Variants in ANO10 observed in about 807,000 individuals in gnomAD.
ANO10 encodes the protein anoctamin-10.
A neutral mutation model predicts 74.7 loss-of-function variants in ANO10; 77 were observed. That is an observed-to-expected ratio of 1.03 (90% CI 0.86 to 1.25). ANO10 has a LOEUF of 1.25. ANO10 is among the 50% of genes most tolerant of loss of function. The pLI is 0.00. For missense variants in ANO10, 721 were observed against 778.1 expected, an observed-to-expected ratio of 0.93 and a Z score of 0.87; for synonymous variants, 279 against 284.9, an observed-to-expected ratio of 0.98 and a Z score of 0.21.
chr3:43,381,011 A>G (rs886985830), intron 12 of ANO10, among the ~76,000 whole-genome samples: 6 of 152,176 alleles, frequency 3.9e-5, no homozygotes, highest in African/African-American at 1.2e-4. Context: ...TGGTGGCAGG[A>G]GAGAGAAGCG....
intron 11 of ANO10, among the ~76,000 whole-genome samples, chr3:43,468,188 G>C (rs2075707471): frequency 6.6e-6 from 1 of 152,116 alleles, no homozygotes; most frequent in South Asian, 2.1e-4. Flanking sequence ...AATTGCTGTG[G>C]GCACAATGCT....
At chr3:43,541,850 A>G (rs1321221570) in intron 11 of ANO10, among the ~76,000 whole-genome samples, 1 of 152,226 alleles carries the variant, frequency 6.6e-6, no homozygotes, top group Non-Finnish European at 1.5e-5. Context: ...TGACTTTCAC[A>G]AAGGGTCCTA....
chr3:43,545,210 CT>C (rs1474949549), intron 11 of ANO10, among the ~76,000 whole-genome samples: 2 of 151,960 alleles, frequency 1.3e-5, no homozygotes, highest in East Asian at 3.9e-4. Context: ...ACTAGCAAAA[CT>C]TTTTTAAATC....
At chr3:43,429,798 T>C (rs2092954433) in intron 12 of ANO10, among the ~76,000 whole-genome samples, 3 of 152,192 alleles carry the variant, frequency 2.0e-5, no homozygotes, top group African/African-American at 7.2e-5. Flanking sequence ...ATAATTTACT[T>C]AACCATTCTC....
At chr3:43,457,694 T>C (rs2075194016) in intron 11 of ANO10, among the ~76,000 whole-genome samples, 1 of 152,216 alleles carries the variant, frequency 6.6e-6, no homozygotes, top group Non-Finnish European at 1.5e-5. Context: ...CATGTATGTT[T>C]CCTATAGACT....
At chr3:43,371,924 A>C (rs2091625369) in intron 12 of ANO10, among the ~76,000 whole-genome samples, 1 of 152,208 alleles carries the variant, frequency 6.6e-6, no homozygotes, top group Non-Finnish European at 1.5e-5. Flanking sequence ...ATGATTAAAA[A>C]GTCCAAGCCT....
chr3:43,420,456 A>C (rs1244490687), intron 12 of ANO10, among the ~76,000 whole-genome samples: 1 of 152,166 alleles, frequency 6.6e-6, no homozygotes, highest in Non-Finnish European at 1.5e-5. Context: ...CTGTCTCAAA[A>C]AAGAAAAAGA....
intron 2 of ANO10, among the ~76,000 whole-genome samples, chr3:43,602,688 C>A (rs1401227288): frequency 6.6e-6 from 1 of 152,134 alleles, no homozygotes; most frequent in Non-Finnish European, 1.5e-5. Context: ...TGAAAAAGAG[C>A]ATTTTTCTCA....
chr3:43,477,358 TACTC>T (rs1047257149), intron 11 of ANO10, among the ~76,000 whole-genome samples: 9 of 152,302 alleles, frequency 5.9e-5, no homozygotes, highest in East Asian at 3.9e-4. Context: ...ATAAATTACT[TACTC>T]AAACAAACAT....
At chr3:43,684,963 G>A (rs1358820480) in intron 1 of ANO10, among the ~76,000 whole-genome samples, 1 of 152,164 alleles carries the variant, frequency 6.6e-6, no homozygotes, top group Non-Finnish European at 1.5e-5. Flanking sequence ...GATAGCATTA[G>A]GAGATATATC....
intron 12 of ANO10, among the ~76,000 whole-genome samples, chr3:43,421,773 G>C (rs1269944733): frequency 6.6e-6 from 1 of 152,174 alleles, no homozygotes; most frequent in Non-Finnish European, 1.5e-5. Flanking sequence ...GGAAGGTCAA[G>C]GCTGTAGTGA....
chr3:43,446,047 G>GGA (rs1276582140), intron 11 of ANO10, among the ~76,000 whole-genome samples: 1 of 152,108 alleles, frequency 6.6e-6, no homozygotes, highest in African/African-American at 2.4e-5. Context: ...GAAGCCTGGC[G>GGA]GAGAGAGAAA....
At position 43,580,356 on chromosome 3, in the gene ANO10, T is replaced by C. The variant is rs150160564; in HGVS notation, c.589A>G (p.Ile197Val). 5 of 1,613,848 alleles carry C rather than the reference T, an allele frequency of 3.1e-6. No homozygotes were observed. The highest frequency in any genetic ancestry group is 3.3e-5 in the Admixed American group (2 of 59,996). The stretch of plus-strand genomic sequence containing the variant: ...GAGAACAAGTACTGACACATACCTA[T>C]GGGCTGATACTTCAAAGCAAACCGA... ...YTRFALKYQP[I>V]DSIRGYFGET... is the part of the protein sequence containing the mutation. The change falls in exon 5 of 13, where the codon ATA (isoleucine) becomes GTA (valine). Residue 197 changes from isoleucine (I) to valine (V), a missense_variant. Ile to Val is a conservative substitution (Grantham distance 29, BLOSUM62 3). Transcript: ENST00000292246.
intron 12 of ANO10, among the ~76,000 whole-genome samples, chr3:43,414,537 C>T (rs1426760691): frequency 6.6e-6 from 1 of 152,190 alleles, no homozygotes; most frequent in Non-Finnish European, 1.5e-5. Context: ...CCTGATACCA[C>T]TCTTCATTTC....
chr3:43,366,844 C>T lies in ANO10; in HGVS notation c.*62G>A, dbSNP rs2091426256. 2.0e-6 allele frequency: 3 copies of T among 1,506,706 alleles called. No individual in the cohort carries two copies. Among genetic ancestry groups the T allele is most frequent in the Non-Finnish European group, 1.8e-6 (2 of 1,106,678 alleles). 93.3% of individuals were successfully genotyped at this position (1,506,706 alleles called of 1,614,324 possible). A position where few individuals can be genotyped will look rare whatever the true frequency, so the allele number is the denominator to read the frequency against. Reference sequence around the variant, plus strand: ...GCTGCCCCGGGTACCCCCCCTGCCACCGTGGCAGGTGTGGCACAGACACAG... The same window carrying T: ...GCTGCCCCGGGTACCCCCCCTGCCATCGTGGCAGGTGTGGCACAGACACAG... On this transcript the variant is annotated 3_prime_UTR_variant, in exon 13 of 13. Transcript: ENST00000292246.
chr3:43,615,658 GT>G (rs910362672), intron 1 of ANO10, among the ~76,000 whole-genome samples: 48 of 147,402 alleles, frequency 3.3e-4, no homozygotes, highest in African/African-American at 1.2e-3. Context: ...TTTGTTTTTT[GT>G]TTTTTTTTTC....
At chr3:43,632,860 A>G (rs1024836391) in intron 1 of ANO10, among the ~76,000 whole-genome samples, 2 of 152,232 alleles carry the variant, frequency 1.3e-5, no homozygotes, top group African/African-American at 4.8e-5. Flanking sequence ...AGATGTGAAC[A>G]TTTAGCTTCT....
At chr3:43,587,958 C>T (rs2081553715) in intron 4 of ANO10, among the ~76,000 whole-genome samples, 1 of 152,178 alleles carries the variant, frequency 6.6e-6, no homozygotes, top group Non-Finnish European at 1.5e-5. Context: ...TTTACCCAAA[C>T]TGACCCCAGT....
chr3:43,599,830 C>T (rs1161254550), intron 3 of ANO10, among the ~76,000 whole-genome samples: 3 of 151,450 alleles, frequency 2.0e-5, no homozygotes, highest in Non-Finnish European at 4.4e-5. Context: ...GGCGTGAACC[C>T]GAGAGGCGGA....
Sources: allele counts gnomAD v4.1 joint callset (sites outside exome capture counted in the v4.1 genomes callset), GRCh38; gene constraint gnomAD v4.1.1; transcripts MANE v1.5; gene names NCBI Gene and HGNC (gene_info 2026-07-23, HGNC 2026-07-21).